The following CEP350 variants were observed in gnomAD, a reference collection of about 807,000 sequenced individuals.
CEP350 encodes centrosome-associated protein 350.
CEP350 carries 126 observed loss-of-function variants against 331.8 expected under a neutral mutation model. The ratio of observed to expected loss-of-function variants is 0.38; its 90% CI spans 0.33 to 0.44. The LOEUF is 0.44. Among genes scored for constraint, CEP350 ranks in the 20% least tolerant of loss-of-function variants. The pLI, the probability that CEP350 is intolerant of heterozygous loss-of-function variation, is 1.00. For missense variants in CEP350, 3,406 were observed against 3,634.6 expected (o/e 0.94, Z 1.62); for synonymous variants, 1,200 against 1,259.5 (o/e 0.95, Z 1.00).
Position 180,095,519 on chromosome 1 carries a change from A to C in CEP350, c.8512-4A>C. 1.2e-6 allele frequency: 2 copies of C among 1,612,616 alleles called. No individual in the cohort carries two copies. The highest frequency in any genetic ancestry group is 3.3e-4 in the Middle Eastern group (2 of 6,056). On this transcript the variant is annotated splice_polypyrimidine_tract_variant and splice_region_variant and intron_variant, in intron 34 of 37. Transcript: ENST00000367607. ...GCTCTGTTTGAATGGTTCCATTTCTATAGGAGAGCCCAGTATTTGGTGCCA... is the reference window on the plus strand; with the variant it reads ...GCTCTGTTTGAATGGTTCCATTTCTCTAGGAGAGCCCAGTATTTGGTGCCA...
At chr1:180,031,231 T>A (rs1656001142) in intron 14 of CEP350, 89 bp from the exon 15 acceptor site, 4 of 717,828 alleles carry the variant, frequency 5.6e-6, no homozygotes, top group Non-Finnish European at 9.0e-6. Flanking sequence ...TTTATACTTT[T>A]TGTTATTTTA....
Position 180,112,932 on chromosome 1 carries a change from T to A in CEP350, c.*1771T>A, listed in dbSNP as rs1661529396. 6.6e-6 allele frequency: 1 copy of A among 152,600 alleles called. No homozygotes were observed. The highest frequency in any genetic ancestry group is 2.1e-4 in the South Asian group (1 of 4,830). 9.5% of individuals were successfully genotyped at this position (152,600 alleles called of 1,614,324 possible). On this transcript the variant is annotated 3_prime_UTR_variant, in exon 38 of 38. Transcript: ENST00000367607. ...GACTGGTATGATAGCTCTTGACAAA[T>A]AAGGAAAGCACTGAAATGTTGTGAT...
Position 180,020,547 on chromosome 1 carries a change from A to G in CEP350, c.2773A>G (p.Met925Val), listed in dbSNP as rs192049185. The G allele has an allele frequency of 2.4e-5, 38 of 1,613,872 alleles. No homozygotes were observed. The highest frequency in any genetic ancestry group is 5.0e-5 in the Admixed American group (3 of 59,994). The part of the protein sequence containing the change: ...NLSEFKKLPE[M>V]IRPQSAISSF... ...TAGTGAATTTAAAAAGCTTCCTGAG[A>G]TGATAAGACCACAGAGTGCCATATC... is the stretch of plus-strand genomic sequence containing the variant. The change falls in exon 12 of 38, where the codon ATG (methionine) becomes GTG (valine). Residue 925 changes from methionine to valine, a missense_variant. Met to Val is a conservative substitution (Grantham distance 21). Around this residue, in one of 5 missense-constraint regions of CEP350, gnomAD observed 1,857 missense variants for 1,909.2 expected, o/e 0.97. Transcript: ENST00000367607.
intron 3 of CEP350, among the ~76,000 whole-genome samples, chr1:179,989,761 A>T (rs1341584487): frequency 1.3e-5 from 2 of 152,192 alleles, no homozygotes; most frequent in African/African-American, 4.8e-5. Context: ...CTTATTTTAT[A>T]GACATAAAAC....
chr1:179,975,209 A>T (rs1651770181), intron 1 of CEP350, among the ~76,000 whole-genome samples: 1 of 152,184 alleles, frequency 6.6e-6, no homozygotes, highest in South Asian at 2.1e-4. Flanking sequence ...AGTGTACTCT[A>T]GATATACCTA....
intron 28 of CEP350, 142 bp downstream of exon 28, chr1:180,075,363 G>T: frequency 1.2e-6 from 1 of 828,852 alleles, no homozygotes; most frequent in Non-Finnish European, 1.8e-6. Flanking sequence ...AAGGCCAGAG[G>T]ATCGCCTGAG....
Position 179,996,850 on chromosome 1 carries a change from A to T in CEP350, c.693A>T (p.Gly231=). 6.2e-7 allele frequency: 1 copy of T among 1,613,796 alleles called. No individual in the cohort carries two copies. The highest frequency in any genetic ancestry group is 8.5e-7 in the Non-Finnish European group (1 of 1,179,712). The change falls in exon 6 of 38, where the codon GGA becomes GGT. Residue 231 remains glycine (G), a synonymous_variant. Coordinates refer to ENST00000367607, the MANE Select transcript of CEP350 (RefSeq NM_014810.5). ...AAGAAATGCCTAACAGAACAAAAGG[A>T]AGTGAGAATAATTTGAAGCTTTCTG... ...TEEEMPNRTK[G]SENNLKLSVN...
chr1:180,083,244 G>A (rs1438520669), intron 30 of CEP350, among the ~76,000 whole-genome samples: 1 of 152,162 alleles, frequency 6.6e-6, no homozygotes, highest in East Asian at 1.9e-4. Context: ...GGAGGTGTGA[G>A]GAACAGTAAT....
intron 1 of CEP350, among the ~76,000 whole-genome samples, chr1:179,963,391 T>C (rs984799975): frequency 4.6e-5 from 7 of 152,160 alleles, no homozygotes; most frequent in African/African-American, 9.6e-5. Flanking sequence ...CCTAGGCCCA[T>C]GTGCAGAAGA....
At chr1:180,091,619 T>C (rs1660203132) in intron 33 of CEP350, among the ~76,000 whole-genome samples, 1 of 152,126 alleles carries the variant, frequency 6.6e-6, no homozygotes. Flanking sequence ...TCACTTGAGC[T>C]CAGGAGTTTG....
intron 1 of CEP350, chr1:179,969,052 T>TTC (rs1651235452): frequency 1.4e-6 from 1 of 733,588 alleles, no homozygotes; most frequent in South Asian, 1.4e-5. Context: ...CATCTTAGGT[T>TTC]AACCTACCTA....
chr1:180,099,624 C>A (rs1660676442), intron 37 of CEP350, among the ~76,000 whole-genome samples: 1 of 151,974 alleles, frequency 6.6e-6, no homozygotes, highest in Admixed American at 6.6e-5. Context: ...GACCTTTTAT[C>A]TATATTGACA....
Position 180,014,554 on chromosome 1 carries a change from GCT to G in CEP350, c.2052+50_2052+51del, listed in dbSNP as rs780491590. On this transcript the variant is annotated intron_variant, in intron 10 of 37. Coordinates refer to ENST00000367607, the MANE Select transcript of CEP350 (RefSeq NM_014810.5). ...GGAGAGTCATTCATGGTTAGGAAAT[GCT>G]TATTTGCTATACTATTTAAAAATTA... 13 of 1,475,376 alleles carry G rather than the reference GCT, an allele frequency of 8.8e-6. No homozygotes were observed. In the African/African-American group the frequency reaches 1.8e-4, roughly 21 times the overall value. 91.4% of individuals were successfully genotyped at this position (1,475,376 alleles called of 1,614,324 possible).
intron 31 of CEP350, among the ~76,000 whole-genome samples, chr1:180,086,447 G>A (rs1659863294): frequency 6.6e-6 from 1 of 151,828 alleles, no homozygotes; most frequent in South Asian, 2.1e-4. Context: ...AGTGCCATAC[G>A]ATCCATCTCT....
intron 22 of CEP350, among the ~76,000 whole-genome samples, chr1:180,051,745 G>A (rs966846328): frequency 2.0e-5 from 3 of 152,150 alleles, no homozygotes; most frequent in Non-Finnish European, 4.4e-5. Context: ...GGAAAGAGCT[G>A]ATCTAAGTAA....
At position 180,096,092 on chromosome 1, in the gene CEP350, A is replaced by G; in HGVS notation, c.8974A>G (p.Asn2992Asp). 6 of 1,556,906 alleles carry G rather than the reference A, an allele frequency of 3.9e-6. No individual in the cohort carries two copies. The highest frequency in any genetic ancestry group is 5.2e-6 in the Non-Finnish European group (6 of 1,149,002). Residue 2992 changes from asparagine to aspartate, a missense_variant, in exon 36 of 38, where the codon AAC becomes GAC. Asn to Asp is a conservative substitution (Grantham distance 23). This residue lies in a region of CEP350 where 1,415 missense variants were observed against 1,512.3 expected (regional missense o/e 0.94). Coordinates refer to ENST00000367607, the MANE Select transcript of CEP350 (RefSeq NM_014810.5). The part of the protein sequence containing the change: ...IFEEIFAEDP[N>D]LNQPVWMKPC... Reference sequence around the variant, plus strand: ...TGAGGAAATATTTGCTGAGGATCCCAACTTAAATCAACCTGTCTGGATGAA... The same window carrying G: ...TGAGGAAATATTTGCTGAGGATCCCGACTTAAATCAACCTGTCTGGATGAA...
chr1:179,993,972 A>C (rs1466599014), intron 5 of CEP350, among the ~76,000 whole-genome samples: 1 of 152,304 alleles, frequency 6.6e-6, no homozygotes, highest in African/African-American at 2.4e-5. Flanking sequence ...TTCAGGTTGC[A>C]TTATGTTTTG....
chr1:180,023,220 C>T (rs908761569), intron 13 of CEP350, among the ~76,000 whole-genome samples: 5 of 151,782 alleles, frequency 3.3e-5, no homozygotes, highest in African/African-American at 4.8e-5. Flanking sequence ...TGCAGTGAGC[C>T]GAGATTGCAC....
chr1:180,014,406 A>G lies in CEP350; in HGVS notation c.1953A>G (p.Pro651=). The change falls in exon 10 of 38, where the codon CCA becomes CCG. Residue 651 remains proline, a synonymous_variant. Coordinates refer to ENST00000367607, the MANE Select transcript of CEP350 (RefSeq NM_014810.5). ...TKVKNVPPSE[P]SATRRLQETY... ...TAAAAAATGTCCCTCCTTCTGAGCC[A>G]TCAGCAACTAGGCGACTACAGGAAA... 2 of 1,605,782 alleles carry G rather than the reference A, an allele frequency of 1.2e-6. No homozygotes were observed. Among genetic ancestry groups the G allele is most frequent in the Non-Finnish European group, 1.7e-6 (2 of 1,175,988 alleles).
Sources: allele counts gnomAD v4.1 joint callset (sites outside exome capture counted in the v4.1 genomes callset), GRCh38; gene constraint gnomAD v4.1.1; regional missense constraint gnomAD v4.1.1; transcripts MANE v1.5; gene names NCBI Gene and HGNC (gene_info 2026-07-23, HGNC 2026-07-21).